Variants in RNF6 observed in about 807,000 individuals in gnomAD.
The protein encoded by RNF6 is E3 ubiquitin-protein ligase RNF6.
In RNF6, 21 loss-of-function variants were observed where a neutral mutation model predicts 50.1. The ratio of observed to expected loss-of-function variants is 0.42; its 90% CI spans 0.30 to 0.60. The LOEUF is 0.60. Ranked by LOEUF, RNF6 falls within the 20% of genes least tolerant of loss-of-function variation. The pLI, the probability that RNF6 is intolerant of heterozygous loss-of-function variation, is 0.20. For synonymous variants in RNF6, 255 were observed against 291.8 expected (o/e 0.87, Z 1.29); for missense variants, 698 against 838.2 (o/e 0.83, Z 2.07).
chr13:26,191,886 C>G (rs996038567), intron 5 of RNF6, among the ~76,000 whole-genome samples: 7 of 152,070 alleles, frequency 4.6e-5, no homozygotes, highest in Non-Finnish European at 1.0e-4. Context: ...GAAAGCATTG[C>G]TATAAAGATG....
rs1684322561 is a variant in RNF6 at position 26,160,372 on chromosome 13, C to T, written n.769-27921G>A. On this transcript the variant is annotated intron_variant and non_coding_transcript_variant, in intron 5 of 5. Coordinates refer to the RNF6 transcript ENST00000468480. The stretch of plus-strand genomic sequence containing the variant: ...CAATTTTATAAGTTTATTAAAAGTT[C>T]TCTATTTTCTTCTACTACCTATTTT... Among the ~76,000 whole-genome samples, 4 of 151,882 alleles carry T rather than the reference C, an allele frequency of 2.6e-5. No individual in the cohort carries two copies. In the South Asian group the frequency reaches 8.3e-4, roughly 32 times the overall value.
chr13:26,175,806 G>A (rs531688880), intron 5 of RNF6, among the ~76,000 whole-genome samples: 3 of 152,222 alleles, frequency 2.0e-5, no homozygotes, highest in South Asian at 2.1e-4. Context: ...GACAATTTCC[G>A]ATTTGAAAAT....
At chr13:26,151,432 T>G (rs1328669564) in intron 5 of RNF6, among the ~76,000 whole-genome samples, 7 of 152,088 alleles carry the variant, frequency 4.6e-5, no homozygotes, top group African/African-American at 1.4e-4. Flanking sequence ...CCAGCTAATT[T>G]TTGTATTTTC....
intron 5 of RNF6, among the ~76,000 whole-genome samples, chr13:26,199,951 A>G (rs1868830978): frequency 6.6e-6 from 1 of 152,152 alleles, no homozygotes. Flanking sequence ...TGCCCTTATA[A>G]AAGAGATCCC....
chr13:26,173,244 G>A lies in RNF6; in HGVS notation n.769-40793C>T, dbSNP rs1229967202. Among the ~76,000 whole-genome samples the A allele has an allele frequency of 2.0e-5, 3 of 152,296 alleles. No individual in the cohort carries two copies. In the East Asian group the frequency reaches 5.8e-4, roughly 29 times the overall value. ...AGCTTTAAAAAACTCATACATGTAT[G>A]CAAGAAGTTACGAACAAAGATATGC... On this transcript the variant is annotated intron_variant and non_coding_transcript_variant, in intron 5 of 5. Transcript: ENST00000468480.
In RNF6 at chr13:26,214,794, G is replaced by A; in HGVS notation, c.1088C>T (p.Ala363Val). Residue 363 changes from alanine (A) to valine (V), a missense_variant, in exon 5 of 5, where the codon GCA becomes GTA. Physicochemically the swap from Ala to Val is moderately conservative, Grantham distance 64. Transcript: ENST00000381588. ...CCTTGAATTAGAGAATGGGGTATAT[G>A]CAGTACCTCTGCGTTCTCGTTCTCT... The part of the protein sequence containing the change: ...QDRERERRGT[A>V]YTPFSNSRLV... 1.2e-6 allele frequency: 2 copies of A among 1,614,160 alleles called. No homozygotes were observed. The highest frequency in any genetic ancestry group is 1.7e-6 in the Non-Finnish European group (2 of 1,180,030).
intron 5 of RNF6, among the ~76,000 whole-genome samples, chr13:26,207,070 T>G (rs571071313): frequency 6.6e-6 from 1 of 152,178 alleles, no homozygotes; most frequent in African/African-American, 2.4e-5. Context: ...CAGTAGGCAT[T>G]GGGCCTACTG....
chr13:26,195,376 A>C (rs1030332257), intron 5 of RNF6, among the ~76,000 whole-genome samples: 39 of 152,338 alleles, frequency 2.6e-4, no homozygotes, highest in African/African-American at 3.6e-4. Context: ...GACAAAAAAA[A>C]CCAGAATATT....
intron 5 of RNF6, among the ~76,000 whole-genome samples, chr13:26,146,612 C>T (rs554247820): frequency 1.1e-4 from 17 of 152,294 alleles, no homozygotes; most frequent in Non-Finnish European, 1.8e-4. Context: ...TCACCTTACG[C>T]CTTAGAATCC....
intron 4 of RNF6, among the ~76,000 whole-genome samples, chr13:26,216,364 C>T (rs1239206345): frequency 5.9e-5 from 9 of 152,126 alleles, no homozygotes; most frequent in Non-Finnish European, 1.5e-5. Context: ...AATACATTTT[C>T]TATTCATTTA....
At chr13:26,201,243 T>C (rs1241809473) in intron 5 of RNF6, among the ~76,000 whole-genome samples, 1 of 152,182 alleles carries the variant, frequency 6.6e-6, no homozygotes, top group Non-Finnish European at 1.5e-5. Context: ...GGTCCAACCA[T>C]TTTGGAAAAC....
At chr13:26,175,803 T>C (rs562670036) in intron 5 of RNF6, among the ~76,000 whole-genome samples, 118 of 152,308 alleles carry the variant, frequency 7.7e-4, no homozygotes, top group Non-Finnish European at 8.8e-5. Flanking sequence ...CAAGACAATT[T>C]CCGATTTGAA....
intron 5 of RNF6, among the ~76,000 whole-genome samples, chr13:26,199,724 T>C (rs1868822041): frequency 1.3e-5 from 2 of 151,812 alleles, no homozygotes; most frequent in Admixed American, 1.3e-4. Context: ...AATAAACCAA[T>C]GGGGTAAAAT....
chr13:26,208,744 C>G (rs756160434), downstream of RNF6, among the ~76,000 whole-genome samples: 1 of 152,174 alleles, frequency 6.6e-6, no homozygotes, highest in Non-Finnish European at 1.5e-5. Flanking sequence ...ATAATCTGAT[C>G]CCAATTGGTT....
At chr13:26,175,584 C>G (rs1305794924) in intron 5 of RNF6, among the ~76,000 whole-genome samples, 1 of 152,144 alleles carries the variant, frequency 6.6e-6, no homozygotes, top group Non-Finnish European at 1.5e-5. Flanking sequence ...GTTACCATCG[C>G]AGTTCCCCAA....
rs149943243 is a variant in RNF6 at position 26,214,856 on chromosome 13, C to T, written c.1026G>A (p.Arg342=). ...PVQQTTRRSV[R]RRGRTRVFLE... is the part of the protein sequence containing the mutation. ...AAAAGACTCGAGTTCTACCTCTCCTCCTAACAGATCTTCTAGTGGTTTGCT... is the reference window on the plus strand; with the variant it reads ...AAAAGACTCGAGTTCTACCTCTCCTTCTAACAGATCTTCTAGTGGTTTGCT... Residue 342 remains arginine (R), a synonymous_variant, in exon 5 of 5, where the codon AGG becomes AGA. Coordinates refer to ENST00000381588, the MANE Select transcript of RNF6 (RefSeq NM_005977.4). 8.3e-5 allele frequency: 134 copies of T among 1,614,110 alleles called. No homozygotes were observed. Among genetic ancestry groups the T allele is most frequent in the Non-Finnish European group, 1.1e-4 (131 of 1,180,048 alleles).
chr13:26,173,104 G>A lies in RNF6; in HGVS notation n.769-40653C>T, dbSNP rs9581571. ...CAATGCCAAAGATTGGCAAGACCAC[G>A]GTGAGGTAGAAACCGGCAGAGTACA... is the stretch of plus-strand genomic sequence containing the variant. On this transcript the variant is annotated intron_variant and non_coding_transcript_variant, in intron 5 of 5. Coordinates refer to the RNF6 transcript ENST00000468480. 8.4e-3 allele frequency among the ~76,000 whole-genome samples: 1,285 copies of A among 152,308 alleles called. 14 individuals are homozygous for A. Among genetic ancestry groups the A allele is most frequent in the African/African-American group, 0.029 (1,223 of 41,550 alleles).
intron 5 of RNF6, among the ~76,000 whole-genome samples, chr13:26,196,964 G>T (rs1348025832): frequency 6.6e-6 from 1 of 151,946 alleles, no homozygotes; most frequent in East Asian, 1.9e-4. Context: ...GAATTATATT[G>T]CTTTGAAGTT....
At chr13:26,168,408 G>T (rs1872543174) in intron 5 of RNF6, among the ~76,000 whole-genome samples, 1 of 152,108 alleles carries the variant, frequency 6.6e-6, no homozygotes, top group South Asian at 2.1e-4. Flanking sequence ...TTCCTCAAAG[G>T]CTTGAGAAAA....
Sources: allele counts gnomAD v4.1 joint callset (sites outside exome capture counted in the v4.1 genomes callset), GRCh38; gene constraint gnomAD v4.1.1; transcripts MANE v1.5; gene names NCBI Gene and HGNC (gene_info 2026-07-23, HGNC 2026-07-21).